PKIA: variants seen among roughly 807,000 people sequenced by gnomAD.
PKIA encodes the protein cAMP-dependent protein kinase inhibitor alpha, also known as PKI-alpha.
Under a neutral mutation model 7.6 loss-of-function variants are expected in PKIA, and 4 were observed. That is an observed-to-expected ratio of 0.52 (90% CI 0.26 to 1.20). The LOEUF is 1.20. Ranked by LOEUF, PKIA falls within the 50% of genes most tolerant of loss-of-function variation. The pLI is 0.13. For synonymous variants in PKIA, 21 were observed against 30.7 expected, an observed-to-expected ratio of 0.68 and a Z score of 1.04; for missense variants, 73 against 86.2, an observed-to-expected ratio of 0.85 and a Z score of 0.61.
intron 1 of PKIA, among the ~76,000 whole-genome samples, chr8:78,529,866 GA>G (rs966934775): frequency 1.4e-5 from 2 of 146,860 alleles, no homozygotes; most frequent in South Asian, 2.2e-4. Flanking sequence ...GTTAAATCAA[GA>G]AGCAGAGAGT....
intron 2 of PKIA, among the ~76,000 whole-genome samples, chr8:78,579,779 C>A (rs988788641): frequency 1.3e-5 from 2 of 152,028 alleles, no homozygotes; most frequent in African/African-American, 4.8e-5. Context: ...ATAAGAATCA[C>A]CTGAGTTGAG....
chr8:78,582,584 T>C (rs1807840257), intron 2 of PKIA, among the ~76,000 whole-genome samples: 2 of 152,110 alleles, frequency 1.3e-5, no homozygotes, highest in Admixed American at 1.3e-4. Flanking sequence ...TGTATCAATG[T>C]TTTTGTTTTC....
intron 2 of PKIA, chr8:78,591,153 A>C (rs1247763259): frequency 6.6e-6 from 1 of 152,626 alleles, no homozygotes; most frequent in African/African-American, 2.4e-5. Flanking sequence ...CAGGAGTAAA[A>C]TTAGCATGTT....
In PKIA at chr8:78,572,875, T is replaced by C. The variant is rs559399766; in HGVS notation, c.-92T>C. The C allele has an allele frequency of 6.6e-6, 1 of 152,098 alleles. No individual in the cohort carries two copies. The highest frequency in any genetic ancestry group is 6.6e-5 in the Admixed American group (1 of 15,244). 9.4% of individuals were successfully genotyped at this position (152,098 alleles called of 1,614,324 possible). ...GTGATTTCTGATAGAAATCTGAAGGTCATCTCCAAGAAAAAAGAGATCTAG... is the reference window on the plus strand; with the variant it reads ...GTGATTTCTGATAGAAATCTGAAGGCCATCTCCAAGAAAAAAGAGATCTAG... On this transcript the variant is annotated 5_prime_UTR_variant, in exon 2 of 4. Coordinates refer to ENST00000396418, the MANE Select transcript of PKIA (RefSeq NM_006823.4).
chr8:78,567,754 C>A (rs1184694861), intron 1 of PKIA, among the ~76,000 whole-genome samples: 1 of 152,182 alleles, frequency 6.6e-6, no homozygotes, highest in Non-Finnish European at 1.5e-5. Flanking sequence ...TATCTATCCC[C>A]CAGCCATTTA....
intron 1 of PKIA, among the ~76,000 whole-genome samples, chr8:78,566,369 C>A (rs1807413609): frequency 1.3e-5 from 2 of 151,998 alleles, no homozygotes; most frequent in African/African-American, 4.8e-5. Context: ...AGAAAAATAG[C>A]CTTTTTTACA....
At chr8:78,574,055 G>A (rs1330690444) in intron 2 of PKIA, among the ~76,000 whole-genome samples, 1 of 151,964 alleles carries the variant, frequency 6.6e-6, no homozygotes, top group Admixed American at 6.6e-5. Context: ...ACTATTCAAT[G>A]ATTAGTGCTT....
chr8:78,523,488 A>G lies in PKIA; in HGVS notation c.-157+7020A>G, dbSNP rs564532127. Among the ~76,000 whole-genome samples, 25 of 152,072 alleles carry G rather than the reference A, an allele frequency of 1.6e-4. No individual in the cohort carries two copies. The East Asian group carries it at 3.9e-3, about 24-fold the overall frequency. On this transcript the variant is annotated intron_variant, in intron 1 of 3. Coordinates refer to ENST00000396418, the MANE Select transcript of PKIA (RefSeq NM_006823.4). ...GGGTAGAAGCAGCAGTTTTTTGGTCATTGCAATAGTCACAGCAACACAACC... is the reference window on the plus strand; with the variant it reads ...GGGTAGAAGCAGCAGTTTTTTGGTCGTTGCAATAGTCACAGCAACACAACC...
chr8:78,546,951 C>A (rs538180509), intron 1 of PKIA, among the ~76,000 whole-genome samples: 8 of 152,234 alleles, frequency 5.3e-5, no homozygotes, highest in African/African-American at 1.7e-4. Context: ...TCATTCAACA[C>A]CCACTTACTA....
chr8:78,523,936 A>C lies in PKIA; in HGVS notation c.-157+7468A>C, dbSNP rs1269302062. 2.1e-5 allele frequency among the ~76,000 whole-genome samples: 3 copies of C among 141,110 alleles called. No individual in the cohort carries two copies. The East Asian group carries it at 6.1e-4, about 29-fold the overall frequency. The allele number at this position is 141,110 out of a possible 152,430, so 92.6% of individuals were successfully genotyped here. A position where few individuals can be genotyped will look rare whatever the true frequency, so the allele number is the denominator to read the frequency against. ...TATATATTTATATATATATAAATAT[A>C]TATAAACATTTATATTTATATATAA... On this transcript the variant is annotated intron_variant, in intron 1 of 3. Coordinates refer to ENST00000396418, the MANE Select transcript of PKIA (RefSeq NM_006823.4).
chr8:78,532,643 A>T (rs562113724), intron 1 of PKIA, among the ~76,000 whole-genome samples: 2 of 152,206 alleles, frequency 1.3e-5, no homozygotes, highest in Non-Finnish European at 2.9e-5. Flanking sequence ...AGTGGCTCAC[A>T]CCTATGTAAT....
chr8:78,558,073 AGAGT>A (rs1316112628), intron 1 of PKIA, among the ~76,000 whole-genome samples: 1 of 152,194 alleles, frequency 6.6e-6, no homozygotes, highest in East Asian at 1.9e-4. Context: ...CAGAGCAGTC[AGAGT>A]GAGTTGTCAG....
intron 2 of PKIA, among the ~76,000 whole-genome samples, chr8:78,579,007 AG>A (rs2130192987): frequency 6.6e-6 from 1 of 152,150 alleles, no homozygotes; most frequent in South Asian, 2.1e-4. Context: ...CTTTCACTCC[AG>A]TTGTTTCCAT....
chr8:78,540,198 G>A (rs1427444948), intron 1 of PKIA, among the ~76,000 whole-genome samples: 3 of 151,788 alleles, frequency 2.0e-5, no homozygotes, highest in Non-Finnish European at 4.4e-5. Context: ...GGAGGAAAAC[G>A]AAAAATAAAA....
At chr8:78,587,406 T>C (rs74761562) in intron 2 of PKIA, among the ~76,000 whole-genome samples, 5,017 of 152,286 alleles carry the variant, frequency 0.033, 121 homozygotes, top group Middle Eastern at 0.051. Flanking sequence ...GGGTAAGACA[T>C]TGGTCAAGTC....
intron 2 of PKIA, among the ~76,000 whole-genome samples, chr8:78,595,559 A>G (rs1161883029): frequency 6.6e-6 from 1 of 152,138 alleles, no homozygotes; most frequent in East Asian, 1.9e-4. Context: ...AGTACCCTAT[A>G]GTTTTTTGAT....
chr8:78,570,877 A>G (rs1807531073), intron 1 of PKIA, among the ~76,000 whole-genome samples: 1 of 152,058 alleles, frequency 6.6e-6, no homozygotes, highest in Non-Finnish European at 1.5e-5. Context: ...TTACACATCC[A>G]TCTCCAGTAT....
chr8:78,584,829 T>C (rs902820528), intron 2 of PKIA, among the ~76,000 whole-genome samples: 1 of 152,114 alleles, frequency 6.6e-6, no homozygotes, highest in Non-Finnish European at 1.5e-5. Context: ...GGAAAGATTT[T>C]GAGATCTTTT....
intron 1 of PKIA, among the ~76,000 whole-genome samples, chr8:78,529,327 A>G (rs1054948645): frequency 9.2e-5 from 14 of 152,072 alleles, no homozygotes; most frequent in African/African-American, 3.4e-4. Context: ...TGTAATTCAC[A>G]TTTTACCAAT....
Sources: allele counts gnomAD v4.1 joint callset (sites outside exome capture counted in the v4.1 genomes callset), GRCh38; gene constraint gnomAD v4.1.1; transcripts MANE v1.5; gene names NCBI Gene and HGNC (gene_info 2026-07-23, HGNC 2026-07-21).